Variants in ROBO2 observed in about 807,000 individuals in gnomAD.
The protein encoded by ROBO2 is roundabout homolog 2.
Under a neutral mutation model 160.8 loss-of-function variants are expected in ROBO2, and 53 were observed. The observed-to-expected ratio is 0.33, with a 90% CI of 0.26 to 0.41. The LOEUF is 0.41. Among genes scored for constraint, ROBO2 ranks in the 10% least tolerant of loss-of-function variants. The pLI, the probability that ROBO2 is intolerant of heterozygous loss-of-function variation, is 1.00. For synonymous variants in ROBO2, 664 were observed against 611.7 expected (o/e 1.09, Z -1.26); for missense variants, 1,577 against 1,722.4 (o/e 0.92, Z 1.49).
At chr3:77,149,270 C>T (rs1197104681) in intron 2 of ROBO2, among the ~76,000 whole-genome samples, 2 of 151,984 alleles carry the variant, frequency 1.3e-5, no homozygotes, top group African/African-American at 2.4e-5. Flanking sequence ...CTCCTGACCT[C>T]GTGATTTGCT....
intron 2 of ROBO2, among the ~76,000 whole-genome samples, chr3:75,952,732 A>G (rs924541423): frequency 6.6e-6 from 1 of 151,968 alleles, no homozygotes; most frequent in Non-Finnish European, 1.5e-5. Flanking sequence ...AATCCTCACT[A>G]CAGTGTCATA....
At chr3:77,371,136 A>G (rs879731643) in intron 2 of ROBO2, among the ~76,000 whole-genome samples, 1 of 152,222 alleles carries the variant, frequency 6.6e-6, no homozygotes, top group Admixed American at 6.5e-5. Context: ...TTCTAAATTC[A>G]GATTCATTTA....
At chr3:76,341,643 T>G (rs1192845528) in intron 2 of ROBO2, among the ~76,000 whole-genome samples, 3 of 152,078 alleles carry the variant, frequency 2.0e-5, no homozygotes, top group Non-Finnish European at 4.4e-5. Flanking sequence ...CCCTGCAGAT[T>G]GTGTCTGTAC....
At chr3:77,178,050 TC>T (rs1281030001) in intron 2 of ROBO2, among the ~76,000 whole-genome samples, 1 of 152,014 alleles carries the variant, frequency 6.6e-6, no homozygotes, top group African/African-American at 2.4e-5. Flanking sequence ...CTACTGAACT[TC>T]CTGGGGAAAG....
intron 2 of ROBO2, among the ~76,000 whole-genome samples, chr3:77,389,591 A>G (rs2074497580): frequency 6.6e-6 from 1 of 151,986 alleles, no homozygotes; most frequent in African/African-American, 2.4e-5. Flanking sequence ...TTTTATATTT[A>G]TATATTTCTT....
intron 2 of ROBO2, among the ~76,000 whole-genome samples, chr3:76,203,350 C>T (rs1408901640): frequency 6.6e-6 from 1 of 152,202 alleles, no homozygotes; most frequent in Non-Finnish European, 1.5e-5. Context: ...AGGCTATCAG[C>T]TTCCCCTGTC....
chr3:76,550,002 T>C (rs1578079411), intron 2 of ROBO2, among the ~76,000 whole-genome samples: 1 of 152,370 alleles, frequency 6.6e-6, no homozygotes, highest in South Asian at 2.1e-4. Context: ...TCTAACTGAA[T>C]TTTTTAAATG....
chr3:76,124,295 C>T (rs28453251), intron 2 of ROBO2, among the ~76,000 whole-genome samples: 1,639 of 152,118 alleles, frequency 0.011, 27 homozygotes, highest in African/African-American at 0.037. Flanking sequence ...TATCTTCTAG[C>T]TAGAGTGTTA....
intron 2 of ROBO2, among the ~76,000 whole-genome samples, chr3:77,119,430 G>A (rs1325098837): frequency 6.6e-6 from 1 of 152,262 alleles, no homozygotes; most frequent in South Asian, 2.1e-4. Flanking sequence ...ATTACATGGT[G>A]TATGACTGTA....
At chr3:77,369,478 T>C (rs2071428621) in intron 2 of ROBO2, among the ~76,000 whole-genome samples, 1 of 152,172 alleles carries the variant, frequency 6.6e-6, no homozygotes, top group Admixed American at 6.6e-5. Flanking sequence ...TTGTATAATG[T>C]TGAGTGATGC....
At chr3:76,916,188 T>A (rs2076292998) in intron 2 of ROBO2, among the ~76,000 whole-genome samples, 1 of 152,206 alleles carries the variant, frequency 6.6e-6, no homozygotes, top group East Asian at 1.9e-4. Context: ...TGCTATAATA[T>A]GCTGCTCTTT....
At chr3:77,317,461 C>T in intron 2 of ROBO2, 1 of 1,527,028 alleles carries the variant, frequency 6.5e-7, no homozygotes, top group Non-Finnish European at 8.9e-7. Flanking sequence ...TTGGTGGTCT[C>T]AGTGTTGGCT....
chr3:77,315,101 G>A (rs1485489791), intron 2 of ROBO2, among the ~76,000 whole-genome samples: 4 of 152,190 alleles, frequency 2.6e-5, no homozygotes, highest in South Asian at 2.1e-4. Flanking sequence ...GTGCCTTAAT[G>A]TCTTCAAAGC....
intron 2 of ROBO2, among the ~76,000 whole-genome samples, chr3:76,247,805 A>C (rs1705711703): frequency 6.6e-6 from 1 of 152,068 alleles, no homozygotes; most frequent in Non-Finnish European, 1.5e-5. Flanking sequence ...CAAGAAAAAA[A>C]CAACCCCATC....
chr3:77,187,878 AC>A (rs2081423358), intron 2 of ROBO2, among the ~76,000 whole-genome samples: 1 of 151,924 alleles, frequency 6.6e-6, no homozygotes, highest in Admixed American at 6.6e-5. Context: ...TTGCTTTTTT[AC>A]TTTAAAACTC....
chr3:76,316,709 C>T (rs974264931), intron 2 of ROBO2, among the ~76,000 whole-genome samples: 2 of 152,098 alleles, frequency 1.3e-5, no homozygotes, highest in Non-Finnish European at 2.9e-5. Flanking sequence ...TGATAAATGT[C>T]TATGAAATCT....
At chr3:76,388,834 T>C (rs2077017504) in intron 2 of ROBO2, among the ~76,000 whole-genome samples, 1 of 152,172 alleles carries the variant, frequency 6.6e-6, no homozygotes, top group Non-Finnish European at 1.5e-5. Context: ...GTTTTATGCT[T>C]ATAGATATTA....
chr3:77,197,126 G>C (rs962791346), intron 2 of ROBO2, among the ~76,000 whole-genome samples: 6 of 152,106 alleles, frequency 3.9e-5, no homozygotes, highest in African/African-American at 1.4e-4. Flanking sequence ...ATTTCTGCTG[G>C]GTGGGAAGGC....
chr3:76,083,969 C>T (rs751464411), intron 2 of ROBO2, among the ~76,000 whole-genome samples: 3 of 151,984 alleles, frequency 2.0e-5, no homozygotes, highest in Non-Finnish European at 2.9e-5. Flanking sequence ...GGGAAATGGC[C>T]ACTTACCTGC....
Sources: allele counts gnomAD v4.1 joint callset (sites outside exome capture counted in the v4.1 genomes callset), GRCh38; gene constraint gnomAD v4.1.1; transcripts MANE v1.5; gene names NCBI Gene and HGNC (gene_info 2026-07-23, HGNC 2026-07-21).